Variants in CECR2 observed in about 807,000 individuals in gnomAD.
CECR2 encodes the protein CECR2 histone acetyl-lysine reader.
In CECR2, 30 loss-of-function variants were observed where a neutral mutation model predicts 154.5. The observed-to-expected ratio is 0.19, with a 90% CI of 0.15 to 0.26. CECR2 has a LOEUF of 0.26. CECR2 is among the 10% of genes least tolerant of loss of function. The pLI is 1.00. For synonymous variants in CECR2, 725 were observed against 683.7 expected (o/e 1.06, Z -0.94); for missense variants, 1,743 against 1,829.3 (o/e 0.95, Z 0.86).
chr22:17,548,544 C>A lies in CECR2; in HGVS notation c.3257C>A (p.Thr1086Lys), dbSNP rs756767133. ...AAGCTGCTCTGCCCCAGAGGCAGAA[C>A]GTTGCAGGAAACCATGCCATGCACG... ...SEKLLCPRGR[T>K]LQETMPCTGQ... Residue 1086 changes from threonine to lysine, a missense_variant, in exon 17 of 19, where the codon ACG (threonine) becomes AAG (lysine). This residue lies in a region of CECR2 where 1,250 missense variants were observed against 1,192.1 expected (regional missense o/e 1.05). Coordinates refer to ENST00000262608, the MANE Select transcript of CECR2 (RefSeq NM_001290047.2). The A allele has an allele frequency of 1.2e-6, 2 of 1,613,640 alleles. No homozygotes were observed. Among genetic ancestry groups the A allele is most frequent in the South Asian group, 2.2e-5 (2 of 91,044 alleles).
chr22:17,405,905 G>T (rs553077093), intron 1 of CECR2, among the ~76,000 whole-genome samples: 2 of 152,198 alleles, frequency 1.3e-5, no homozygotes, highest in Non-Finnish European at 2.9e-5. Flanking sequence ...GTAGAGGCCA[G>T]AGTAGACATC....
chr22:17,501,334 A>G (rs140783961), intron 5 of CECR2, among the ~76,000 whole-genome samples: 10 of 152,308 alleles, frequency 6.6e-5, no homozygotes, highest in African/African-American at 2.2e-4. Flanking sequence ...CAGATTAAGA[A>G]TATAGATCAC....
chr22:17,548,730 G>T lies in CECR2; in HGVS notation c.3443G>T (p.Gly1148Val). The change falls in exon 17 of 19, where the codon GGG (glycine) becomes GTG (valine). Residue 1148 changes from glycine (G) to valine (V), a missense_variant. By Grantham distance (109) the Gly-to-Val change is moderately radical. Coordinates refer to ENST00000262608, the MANE Select transcript of CECR2 (RefSeq NM_001290047.2). ...CAGGGTGTGGGCCCTGTGATGGGAGGGAAGTCCCCAGCATCCCATCCCCAG... is the reference window on the plus strand; with the variant it reads ...CAGGGTGTGGGCCCTGTGATGGGAGTGAAGTCCCCAGCATCCCATCCCCAG... ...GLQGVGPVMGGKSPASHPQHF... is the reference protein window; with the variant it reads ...GLQGVGPVMGVKSPASHPQHF... 1 of 1,613,626 alleles carries T rather than the reference G, an allele frequency of 6.2e-7. No individual in the cohort carries two copies. The highest frequency in any genetic ancestry group is 8.5e-7 in the Non-Finnish European group (1 of 1,179,762).
chr22:17,456,227 T>A (rs2054852406), intron 1 of CECR2, among the ~76,000 whole-genome samples: 1 of 152,140 alleles, frequency 6.6e-6, no homozygotes, highest in African/African-American at 2.4e-5. Context: ...TGAGTTTGCT[T>A]TTGGATTTTC....
At position 17,471,676 on chromosome 22, in the gene CECR2, C is replaced by T. The variant is rs529588408; in HGVS notation, c.127-5912C>T. Among the ~76,000 whole-genome samples the T allele has an allele frequency of 1.5e-4, 23 of 152,124 alleles. No homozygotes were observed. In the East Asian group the frequency reaches 3.9e-3, roughly 26 times the overall value. On this transcript the variant is annotated intron_variant, in intron 1 of 18. Coordinates refer to ENST00000262608, the MANE Select transcript of CECR2 (RefSeq NM_001290047.2). ...TCAGCCTCCCCGGTAGTTGGGATTA[C>T]AGGCACCCGCCACCACTCCTGGCTA...
At chr22:17,478,717 G>T (rs969379225) in intron 2 of CECR2, among the ~76,000 whole-genome samples, 6 of 152,120 alleles carry the variant, frequency 3.9e-5, no homozygotes, top group Non-Finnish European at 8.8e-5. Flanking sequence ...GATGCTTGTT[G>T]TTAATGTGCA....
At chr22:17,430,548 A>AT (rs1201487436) in intron 1 of CECR2, among the ~76,000 whole-genome samples, 4 of 152,066 alleles carry the variant, frequency 2.6e-5, no homozygotes, top group Admixed American at 2.6e-4. Flanking sequence ...TCAGGATGTG[A>AT]TTGATTTTCC....
At chr22:17,442,434 C>T (rs1407796912) in intron 1 of CECR2, among the ~76,000 whole-genome samples, 2 of 152,106 alleles carry the variant, frequency 1.3e-5, no homozygotes, top group East Asian at 1.9e-4. Flanking sequence ...ATTAGTTGGG[C>T]GTAGTTGATG....
intron 1 of CECR2, among the ~76,000 whole-genome samples, chr22:17,449,674 G>A (rs1485276455): frequency 6.6e-6 from 1 of 151,292 alleles, no homozygotes; most frequent in African/African-American, 2.4e-5. Flanking sequence ...TATTTTTAGT[G>A]GCGACGGGGT....
chr22:17,532,077 G>A (rs191517110), intron 9 of CECR2, among the ~76,000 whole-genome samples: 3 of 152,204 alleles, frequency 2.0e-5, no homozygotes, highest in Non-Finnish European at 2.9e-5. Flanking sequence ...GGCTGAGGTA[G>A]GAGGATCACT....
chr22:17,476,964 G>A, intron 1 of CECR2: 1 of 540,536 alleles, frequency 1.9e-6, no homozygotes, highest in Middle Eastern at 4.6e-4. Context: ...CCCAAGGAAA[G>A]CAAAGACATT....
chr22:17,430,479 A>G (rs2895937), intron 1 of CECR2, among the ~76,000 whole-genome samples: 24,696 of 151,866 alleles, frequency 0.16, 2,069 homozygotes, highest in South Asian at 0.19. Context: ...CATCACACTC[A>G]ATTATCTCTA....
At chr22:17,501,743 C>T (rs755601319) in intron 5 of CECR2, among the ~76,000 whole-genome samples, 66 of 152,228 alleles carry the variant, frequency 4.3e-4, no homozygotes, top group Admixed American at 2.4e-3. Context: ...GTTAGGATTT[C>T]ACACGTCCTT....
intron 1 of CECR2, among the ~76,000 whole-genome samples, chr22:17,427,594 T>C (rs1403282985): frequency 6.6e-6 from 1 of 152,094 alleles, no homozygotes; most frequent in East Asian, 1.9e-4. Flanking sequence ...GTGTTACAGC[T>C]TTTAAAGGTG....
chr22:17,527,169 C>T (rs985120601), intron 9 of CECR2, among the ~76,000 whole-genome samples: 2 of 152,284 alleles, frequency 1.3e-5, no homozygotes, highest in African/African-American at 2.4e-5. Context: ...CATACAAATG[C>T]AGACGAGGCC....
At chr22:17,407,964 T>G (rs970080656) in intron 1 of CECR2, among the ~76,000 whole-genome samples, 1 of 152,226 alleles carries the variant, frequency 6.6e-6, no homozygotes, top group African/African-American at 2.4e-5. Context: ...ACTGTACCTT[T>G]GGTGACTAAT....
intron 1 of CECR2, among the ~76,000 whole-genome samples, chr22:17,431,508 T>A (rs1422422945): frequency 6.6e-6 from 1 of 152,218 alleles, no homozygotes; most frequent in African/African-American, 2.4e-5. Context: ...CTAAAAGTGA[T>A]CCATTCCATC....
rs551375479 is a variant in CECR2, at chr22:17,426,983, T to C, written c.127-50605T>C. ...TGCACCCATCATCATTTACATTAGGTATTTCTCCTAATGCTATTCCTCCCC... is the reference window on the plus strand; with the variant it reads ...TGCACCCATCATCATTTACATTAGGCATTTCTCCTAATGCTATTCCTCCCC... On this transcript the variant is annotated intron_variant, in intron 1 of 18. Transcript: ENST00000262608. Among the ~76,000 whole-genome samples the C allele has an allele frequency of 2.6e-5, 4 of 152,224 alleles. No individual in the cohort carries two copies. In the East Asian group the frequency reaches 7.7e-4, roughly 29 times the overall value.
At chr22:17,551,752 C>G (rs2056711323) in intron 17 of CECR2, among the ~76,000 whole-genome samples, 1 of 152,088 alleles carries the variant, frequency 6.6e-6, no homozygotes, top group Admixed American at 6.6e-5. Context: ...AAACCATGAT[C>G]CTGCCACTAC....
Sources: gnomAD v4.1 joint callset for allele counts (sites outside exome capture counted in the v4.1 genomes callset) on GRCh38, gnomAD v4.1.1 for gene constraint, gnomAD v4.1.1 regional missense constraint, MANE v1.5 for transcripts, NCBI Gene and HGNC (gene_info 2026-07-23, HGNC 2026-07-21) for gene names.